The following CACNA1D variants were observed in gnomAD, a reference collection of about 807,000 sequenced individuals.
CACNA1D encodes the protein calcium voltage-gated channel subunit alpha1 D, also known as voltage-dependent L-type calcium channel subunit alpha-1D.
In CACNA1D, 55 loss-of-function variants were observed where a neutral mutation model predicts 257.1. The ratio of observed to expected loss-of-function variants is 0.21; its 90% CI spans 0.17 to 0.27. The LOEUF (loss-of-function observed/expected upper bound fraction) is 0.27, where lower values mean the gene tolerates loss of function less well. CACNA1D is among the 10% of genes least tolerant of loss of function. The pLI is 1.00. For synonymous variants in CACNA1D, 980 were observed against 1,014.9 expected, an observed-to-expected ratio of 0.97 and a Z score of 0.65; for missense variants, 1,876 against 2,784.0, an observed-to-expected ratio of 0.67 and a Z score of 7.34.
At chr3:53,657,516 A>T (rs932214166) in intron 4 of CACNA1D, among the ~76,000 whole-genome samples, 2 of 152,276 alleles carry the variant, frequency 1.3e-5, no homozygotes, top group South Asian at 4.1e-4. Context: ...GTACACTTTA[A>T]ATGAGTGTGT....
chr3:53,563,369 C>T (rs1022276479), intron 3 of CACNA1D, among the ~76,000 whole-genome samples: 2 of 152,052 alleles, frequency 1.3e-5, no homozygotes, highest in African/African-American at 2.4e-5. Flanking sequence ...ACTAAAAATA[C>T]AGAAAGTAAC....
intron 3 of CACNA1D, among the ~76,000 whole-genome samples, chr3:53,601,828 A>G (rs906547202): frequency 1.3e-5 from 2 of 152,158 alleles, no homozygotes; most frequent in Non-Finnish European, 2.9e-5. Flanking sequence ...CCCCTGCCTC[A>G]GCTTCTAGAG....
intron 3 of CACNA1D, among the ~76,000 whole-genome samples, chr3:53,568,926 G>C (rs2092897037): frequency 6.6e-6 from 1 of 152,080 alleles, no homozygotes; most frequent in South Asian, 2.1e-4. Flanking sequence ...GATCACAACT[G>C]GTCTTCCTGC....
chr3:53,740,199 C>T (rs1258359450), intron 20 of CACNA1D, 81 bp from the exon 21 acceptor site: 5 of 994,222 alleles, frequency 5.0e-6, no homozygotes, highest in South Asian at 2.5e-5. Flanking sequence ...CTGACTGGAT[C>T]GGGGGTTTCT....
At chr3:53,592,134 G>C (rs1312812569) in intron 3 of CACNA1D, among the ~76,000 whole-genome samples, 1 of 152,230 alleles carries the variant, frequency 6.6e-6, no homozygotes, top group Non-Finnish European at 1.5e-5. Flanking sequence ...TTCTGGTGGA[G>C]CTATGTTCTA....
intron 30 of CACNA1D, chr3:53,762,402 G>A (rs2095308702): frequency 4.6e-6 from 2 of 430,400 alleles, no homozygotes; most frequent in Non-Finnish European, 4.4e-6. Context: ...CCACAGTGGC[G>A]TATCTATAAC....
At chr3:53,603,833 G>T (rs1455701458) in intron 3 of CACNA1D, among the ~76,000 whole-genome samples, 1 of 152,152 alleles carries the variant, frequency 6.6e-6, no homozygotes, top group Non-Finnish European at 1.5e-5. Context: ...CAGGGATACG[G>T]GGTACTCAGG....
rs149689668 is a variant in CACNA1D at position 53,669,136 on chromosome 3, C to T, written c.1116+2601C>T. Among the ~76,000 whole-genome samples the T allele has an allele frequency of 2.4e-3, 359 of 152,352 alleles. 1 individual carries two copies. Among genetic ancestry groups the T allele is most frequent in the African/African-American group, 8.2e-3 (343 of 41,588 alleles). On this transcript the variant is annotated intron_variant, in intron 7 of 47. Coordinates refer to ENST00000350061, the MANE Select transcript of CACNA1D (RefSeq NM_001128840.3). ...CTCTAAGATTTTACTCTCTGAAACA[C>T]ATCAGGATTGTTTTTAATTACCTGT...
intron 5 of CACNA1D, among the ~76,000 whole-genome samples, chr3:53,662,409 T>C (rs2094212796): frequency 6.6e-6 from 1 of 152,188 alleles, no homozygotes; most frequent in Admixed American, 6.5e-5. Context: ...TCAGCACTAC[T>C]GTGCTGCTCA....
At chr3:53,787,412 C>T (rs1479791972) in intron 40 of CACNA1D, among the ~76,000 whole-genome samples, 1 of 110,288 alleles carries the variant, frequency 9.1e-6, no homozygotes, top group Non-Finnish European at 2.0e-5. Flanking sequence ...TCCATCACCT[C>T]CTAGTATGTA....
intron 8 of CACNA1D, among the ~76,000 whole-genome samples, chr3:53,696,643 A>G (rs1277004092): frequency 6.6e-6 from 1 of 152,240 alleles, no homozygotes; most frequent in East Asian, 1.9e-4. Flanking sequence ...TGTCACCAAA[A>G]GCATGAGACT....
chr3:53,693,602 A>C lies in CACNA1D; in HGVS notation c.1221-9039A>C, dbSNP rs976620759. Reference sequence around the variant, plus strand: ...ATTCTGTTTCATTTCCTTCATGTCTATGTAGAGGAAATAATTTAGGTCTAA... The same window carrying C: ...ATTCTGTTTCATTTCCTTCATGTCTCTGTAGAGGAAATAATTTAGGTCTAA... On this transcript the variant is annotated intron_variant, in intron 8 of 47. Transcript: ENST00000350061. Among the ~76,000 whole-genome samples, 3 of 152,040 alleles carry C rather than the reference A, an allele frequency of 2.0e-5. No individual in the cohort carries two copies. In the South Asian group the frequency reaches 6.2e-4, roughly 32 times the overall value.
intron 40 of CACNA1D, among the ~76,000 whole-genome samples, chr3:53,795,566 A>G (rs2095504118): frequency 6.6e-6 from 1 of 152,246 alleles, no homozygotes; most frequent in South Asian, 2.1e-4. Context: ...TTCCTCCCAG[A>G]ATCTAGTGGA....
At position 53,650,351 on chromosome 3, in the gene CACNA1D, A is replaced by T. The variant is rs545114519; in HGVS notation, c.484-428A>T. 6.6e-5 allele frequency among the ~76,000 whole-genome samples: 10 copies of T among 152,344 alleles called. No homozygotes were observed. In the South Asian group the frequency reaches 2.1e-3, roughly 32 times the overall value. ...ACAGATGCATCTTCATTTTTTCCAG[A>T]GGATGAATTTCTTCTGTTCAAAGAC... On this transcript the variant is annotated intron_variant, in intron 3 of 47. Coordinates refer to ENST00000350061, the MANE Select transcript of CACNA1D (RefSeq NM_001128840.3).
chr3:53,554,283 A>G (rs2092597938), intron 3 of CACNA1D, among the ~76,000 whole-genome samples: 1 of 152,152 alleles, frequency 6.6e-6, no homozygotes, highest in Non-Finnish European at 1.5e-5. Flanking sequence ...GTGTGCCTAT[A>G]TGTGTGTTTT....
chr3:53,787,892 A>C (rs1238347139), intron 40 of CACNA1D, among the ~76,000 whole-genome samples: 1 of 152,200 alleles, frequency 6.6e-6, no homozygotes, highest in Non-Finnish European at 1.5e-5. Flanking sequence ...CTCATAATCC[A>C]TCATGGATAG....
intron 3 of CACNA1D, among the ~76,000 whole-genome samples, chr3:53,582,899 C>T (rs145863831): frequency 9.5e-4 from 145 of 152,294 alleles, no homozygotes; most frequent in Middle Eastern, 3.4e-3. Context: ...TGTACATGTG[C>T]ACCTTTCCCC....
At chr3:53,604,286 C>G (rs570182583) in intron 3 of CACNA1D, among the ~76,000 whole-genome samples, 1 of 152,310 alleles carries the variant, frequency 6.6e-6, no homozygotes, top group South Asian at 2.1e-4. Context: ...TGGATGGAAG[C>G]TGCAGATGGA....
rs1345163907 is a variant in CACNA1D at position 53,555,440 on chromosome 3, GT to G, written c.483+53721del. 1.1e-4 allele frequency among the ~76,000 whole-genome samples: 10 copies of G among 93,542 alleles called. No individual in the cohort carries two copies. In the South Asian group the frequency reaches 1.4e-3, roughly 13 times the overall value. The allele number at this position is 93,542 out of a possible 152,430, so 61.4% of individuals were successfully genotyped here. ...TCTCTGGCTGCTTTTTCTGGTGGGT[GT>G]GTGTGTGTGTGTGTGTGTGTTTTTT... On this transcript the variant is annotated intron_variant, in intron 3 of 47. Transcript: ENST00000350061.
Sources: gnomAD v4.1 joint callset for allele counts (sites outside exome capture counted in the v4.1 genomes callset) on GRCh38, gnomAD v4.1.1 for gene constraint, MANE v1.5 for transcripts, NCBI Gene and HGNC (gene_info 2026-07-23, HGNC 2026-07-21) for gene names.